MACROD2: variants seen among roughly 807,000 people sequenced by gnomAD.
MACROD2 encodes ADP-ribose glycohydrolase MACROD2.
Under a neutral mutation model 70.4 loss-of-function variants are expected in MACROD2, and 36 were observed. The observed-to-expected ratio is 0.51, with a 90% CI of 0.39 to 0.68. The LOEUF is 0.68. Ranked by LOEUF, MACROD2 falls within the 30% of genes least tolerant of loss-of-function variation. The probability of loss-of-function intolerance (pLI) is 0.00; values close to 1 mark genes in which losing one functional copy is unlikely to be tolerated. For missense variants in MACROD2, 496 were observed against 538.4 expected (o/e 0.92, Z 0.78); for synonymous variants, 172 against 178.8 (o/e 0.96, Z 0.30).
chr20:14,709,675 A>G (rs2071314537), intron 5 of MACROD2, among the ~76,000 whole-genome samples: 1 of 152,226 alleles, frequency 6.6e-6, no homozygotes. Context: ...CTGAAAAATC[A>G]TGCCATGATA....
chr20:14,637,773 A>AT (rs1222137742), intron 4 of MACROD2, among the ~76,000 whole-genome samples: 1 of 151,756 alleles, frequency 6.6e-6, no homozygotes, highest in Non-Finnish European at 1.5e-5. Flanking sequence ...TTTTTTCCAA[A>AT]TTTTTTCTCT....
intron 8 of MACROD2, among the ~76,000 whole-genome samples, chr20:15,783,654 G>A (rs1386519325): frequency 6.6e-6 from 1 of 152,148 alleles, no homozygotes; most frequent in Non-Finnish European, 1.5e-5. Flanking sequence ...TGTTAATAAT[G>A]TATAATAATA....
At chr20:15,706,887 C>A (rs1231559078) in intron 8 of MACROD2, among the ~76,000 whole-genome samples, 4 of 152,140 alleles carry the variant, frequency 2.6e-5, no homozygotes, top group African/African-American at 7.2e-5. Flanking sequence ...AAGATTTTCA[C>A]AAGTGGGCCA....
chr20:15,192,044 A>G (rs1004870350), intron 5 of MACROD2, among the ~76,000 whole-genome samples: 4 of 151,242 alleles, frequency 2.6e-5, no homozygotes, highest in Non-Finnish European at 5.9e-5. Flanking sequence ...CTATCTATCT[A>G]TCTATCTATC....
At chr20:15,273,510 C>T (rs147124202) in intron 6 of MACROD2, among the ~76,000 whole-genome samples, 27 of 152,248 alleles carry the variant, frequency 1.8e-4, no homozygotes, top group Admixed American at 9.8e-4. Context: ...AATGCTTTCT[C>T]TACAATGAAT....
At chr20:14,198,106 G>A (rs1016163045) in intron 3 of MACROD2, among the ~76,000 whole-genome samples, 2 of 151,960 alleles carry the variant, frequency 1.3e-5, no homozygotes, top group African/African-American at 2.4e-5. Flanking sequence ...CTTTATTGCA[G>A]GCTGGAGGGC....
intron 5 of MACROD2, among the ~76,000 whole-genome samples, chr20:14,786,446 C>G (rs1296384084): frequency 6.6e-6 from 1 of 151,696 alleles, no homozygotes; most frequent in Admixed American, 6.6e-5. Context: ...GGGAAGGACG[C>G]AAGTATCATT....
intron 5 of MACROD2, among the ~76,000 whole-genome samples, chr20:15,094,759 CAAAAT>C (rs1343346861): frequency 2.0e-5 from 3 of 151,744 alleles, no homozygotes; most frequent in Non-Finnish European, 4.4e-5. Flanking sequence ...AAAACTAAAA[CAAAAT>C]AAAAAACACA....
At chr20:14,053,092 T>C (rs2053589951) in intron 2 of MACROD2, 1 of 151,582 alleles carries the variant, frequency 6.6e-6, no homozygotes, top group African/African-American at 2.4e-5. Flanking sequence ...TTTTTTTTTT[T>C]TTCTAGCTTG....
chr20:15,845,664 A>G (rs1033782902), intron 8 of MACROD2, among the ~76,000 whole-genome samples: 6 of 152,270 alleles, frequency 3.9e-5, no homozygotes, highest in African/African-American at 1.4e-4. Flanking sequence ...CAATCTAAAC[A>G]TGTCCAATAA....
intron 6 of MACROD2, among the ~76,000 whole-genome samples, chr20:15,249,640 G>A (rs1455627296): frequency 6.6e-6 from 1 of 152,200 alleles, no homozygotes; most frequent in African/African-American, 2.4e-5. Flanking sequence ...CATTTGTTGG[G>A]CATCCTGGTA....
chr20:15,218,881 C>T (rs1244964578), intron 5 of MACROD2, among the ~76,000 whole-genome samples: 1 of 151,910 alleles, frequency 6.6e-6, no homozygotes. Flanking sequence ...CTTGTCTCTA[C>T]TAAAAATACA....
rs111308430 is a variant in MACROD2 at position 14,624,161 on chromosome 20, T to C, written c.302-60682T>C. ...TCTAGAAGGCAGGAGGTAGACCTTA[T>C]GGGGATACAGGGGTCTTCTCCATCA... On this transcript the variant is annotated intron_variant, in intron 4 of 17. Transcript: ENST00000684519. Among the ~76,000 whole-genome samples the C allele has an allele frequency of 2.8e-3, 422 of 152,224 alleles. 2 individuals carry two copies. Among genetic ancestry groups the C allele is most frequent in the African/African-American group, 9.3e-3 (387 of 41,540 alleles).
intron 8 of MACROD2, among the ~76,000 whole-genome samples, chr20:15,677,129 A>G (rs547648982): frequency 1.4e-4 from 22 of 152,360 alleles, no homozygotes; most frequent in African/African-American, 5.0e-4. Flanking sequence ...ATGCATTTTT[A>G]TGCAATTTGT....
chr20:15,223,135 C>A (rs1261820793), intron 5 of MACROD2, among the ~76,000 whole-genome samples: 1 of 152,094 alleles, frequency 6.6e-6, no homozygotes, highest in Non-Finnish European at 1.5e-5. Flanking sequence ...AATAGATGAG[C>A]AAAAACAGAT....
At chr20:15,513,398 G>A (rs1455416737) in intron 8 of MACROD2, among the ~76,000 whole-genome samples, 1 of 152,188 alleles carries the variant, frequency 6.6e-6, no homozygotes, top group Non-Finnish European at 1.5e-5. Flanking sequence ...ATTCCATGAA[G>A]TTGTTGCAGC....
At chr20:14,005,339 T>C (rs1255207105) in intron 2 of MACROD2, among the ~76,000 whole-genome samples, 4 of 152,216 alleles carry the variant, frequency 2.6e-5, no homozygotes, top group Non-Finnish European at 5.9e-5. Context: ...ATTTGCTTGC[T>C]GTTTATGTTC....
intron 5 of MACROD2, among the ~76,000 whole-genome samples, chr20:15,126,748 A>C (rs1266786876): frequency 6.6e-6 from 1 of 152,152 alleles, no homozygotes; most frequent in Non-Finnish European, 1.5e-5. Flanking sequence ...CTTACTCTCA[A>C]AACAAATGCA....
intron 3 of MACROD2, among the ~76,000 whole-genome samples, chr20:14,314,269 G>A (rs1207044581): frequency 6.6e-6 from 1 of 152,176 alleles, no homozygotes; most frequent in African/African-American, 2.4e-5. Flanking sequence ...CCAGTTCTGT[G>A]TTGGGGGAGA....
Sources: gnomAD v4.1 joint callset for allele counts (sites outside exome capture counted in the v4.1 genomes callset) on GRCh38, gnomAD v4.1.1 for gene constraint, MANE v1.5 for transcripts, NCBI Gene and HGNC (gene_info 2026-07-23, HGNC 2026-07-21) for gene names.